Variants in EYS observed in about 807,000 individuals in gnomAD.
The protein encoded by EYS is EGF-like photoreceptor maintenance factor.
EYS carries 250 observed loss-of-function variants against 282.1 expected under a neutral mutation model. That is an observed-to-expected ratio of 0.89 (90% CI 0.80 to 0.98). EYS has a LOEUF of 0.98. Ranked by LOEUF, EYS falls within the 50% of genes least tolerant of loss-of-function variation. The pLI is 0.00. For missense variants in EYS, 4,016 were observed against 3,709.0 expected (o/e 1.08, Z -2.15); for synonymous variants, 1,355 against 1,282.9 (o/e 1.06, Z -1.20).
chr6:64,520,926 A>C (rs778413835), intron 26 of EYS, among the ~76,000 whole-genome samples: 1 of 151,742 alleles, frequency 6.6e-6, no homozygotes, highest in Non-Finnish European at 1.5e-5. Context: ...TTAAAAGAAA[A>C]ACTTTAACAA....
chr6:64,330,317 C>T (rs907389968), intron 29 of EYS, among the ~76,000 whole-genome samples: 1 of 152,122 alleles, frequency 6.6e-6, no homozygotes, highest in Non-Finnish European at 1.5e-5. Flanking sequence ...TGGCACTGGA[C>T]AACAAGTGTG....
chr6:65,296,917 A>AG (rs765133018), intron 11 of EYS, among the ~76,000 whole-genome samples: 191 of 150,546 alleles, frequency 1.3e-3, no homozygotes, highest in African/African-American at 4.5e-3. Flanking sequence ...TATCAACAAA[A>AG]GTGGGGATAT....
intron 12 of EYS, among the ~76,000 whole-genome samples, chr6:65,139,702 G>C (rs1352157040): frequency 6.6e-6 from 1 of 152,082 alleles, no homozygotes; most frequent in African/African-American, 2.4e-5. Flanking sequence ...CTTAGCCAGA[G>C]AGGTGTCAGC....
At chr6:65,079,359 TTGAGA>T (rs2150170640) in intron 12 of EYS, among the ~76,000 whole-genome samples, 1 of 152,162 alleles carries the variant, frequency 6.6e-6, no homozygotes, top group African/African-American at 2.4e-5. Flanking sequence ...ACTAATTCAT[TTGAGA>T]TATTTAAAAA....
At chr6:64,453,146 C>T (rs750251339) in intron 26 of EYS, among the ~76,000 whole-genome samples, 6 of 151,710 alleles carry the variant, frequency 4.0e-5, no homozygotes. Context: ...CAATGAACTC[C>T]AACAAATTTA....
intron 32 of EYS, among the ~76,000 whole-genome samples, chr6:64,072,939 A>G (rs1217951819): frequency 6.6e-6 from 1 of 151,934 alleles, no homozygotes; most frequent in East Asian, 1.9e-4. Flanking sequence ...ACTGAATTTT[A>G]AAGATTGACT....
chr6:65,129,126 A>T (rs1775798325), intron 12 of EYS, among the ~76,000 whole-genome samples: 1 of 152,058 alleles, frequency 6.6e-6, no homozygotes, highest in South Asian at 2.1e-4. Flanking sequence ...AGAAGAGTGA[A>T]GTTGGACCCC....
At chr6:63,832,493 A>G (rs1771671162) in intron 36 of EYS, among the ~76,000 whole-genome samples, 1 of 152,218 alleles carries the variant, frequency 6.6e-6, no homozygotes, top group Non-Finnish European at 1.5e-5. Context: ...CTGGACACAT[A>G]TACCCTCCCA....
chr6:65,372,993 T>C (rs552641467), intron 8 of EYS, among the ~76,000 whole-genome samples: 2 of 152,298 alleles, frequency 1.3e-5, no homozygotes, highest in South Asian at 4.1e-4. Flanking sequence ...TTTTGTTCTC[T>C]TTTTAATTTT....
chr6:64,788,039 T>TA (rs1258269056), intron 22 of EYS, among the ~76,000 whole-genome samples: 10 of 152,164 alleles, frequency 6.6e-5, no homozygotes, highest in African/African-American at 2.4e-4. Context: ...CTACATTGCT[T>TA]ACAATTTCTC....
At chr6:65,579,245 T>C (rs1472703663) in intron 2 of EYS, among the ~76,000 whole-genome samples, 1 of 152,100 alleles carries the variant, frequency 6.6e-6, no homozygotes, top group African/African-American at 2.4e-5. Flanking sequence ...ATCAAGAAGA[T>C]ACAACATATA....
chr6:64,108,507 CTTT>C lies in EYS; in HGVS notation c.6425-26508_6425-26506del, dbSNP rs530004392. ...ACTGGAAATCAGAAGTCCACTACTG[CTTT>C]TTTTTTTTTTTTTTTTTGAGAAGAT... is the stretch of plus-strand genomic sequence containing the variant. On this transcript the variant is annotated intron_variant, in intron 31 of 42. Transcript: ENST00000503581. 1.8e-3 allele frequency among the ~76,000 whole-genome samples: 214 copies of C among 116,826 alleles called. 1 individual carries two copies. The highest frequency in any genetic ancestry group is 6.4e-3 in the African/African-American group (199 of 30,906). 76.6% of individuals were successfully genotyped at this position (116,826 alleles called of 152,430 possible).
chr6:64,772,354 G>A (rs1202418939), intron 22 of EYS, among the ~76,000 whole-genome samples: 1 of 151,588 alleles, frequency 6.6e-6, no homozygotes, highest in Non-Finnish European at 1.5e-5. Flanking sequence ...AGCTGTATCA[G>A]CTTTTCTTTT....
chr6:65,506,437 T>A (rs1766655841), intron 2 of EYS, among the ~76,000 whole-genome samples: 2 of 150,322 alleles, frequency 1.3e-5, no homozygotes. Flanking sequence ...TGTCCTGAGG[T>A]TTACAATATC....
At chr6:64,486,298 G>T (rs1582811454) in intron 26 of EYS, among the ~76,000 whole-genome samples, 1 of 151,396 alleles carries the variant, frequency 6.6e-6, no homozygotes, top group East Asian at 1.9e-4. Flanking sequence ...AATATCCTCT[G>T]TGAGAAACAA....
chr6:64,007,408 T>A (rs1226374405), intron 33 of EYS, among the ~76,000 whole-genome samples: 1 of 151,908 alleles, frequency 6.6e-6, no homozygotes, highest in Non-Finnish European at 1.5e-5. Context: ...TACCTAGCAG[T>A]CTGTCAATCT....
chr6:64,583,712 T>G (rs1766145222), intron 26 of EYS, among the ~76,000 whole-genome samples: 1 of 151,994 alleles, frequency 6.6e-6, no homozygotes, highest in Non-Finnish European at 1.5e-5. Context: ...GGAGAATTGC[T>G]TGAACCTGGG....
intron 2 of EYS, among the ~76,000 whole-genome samples, chr6:65,545,280 A>G (rs1369340246): frequency 6.6e-6 from 1 of 151,992 alleles, no homozygotes; most frequent in East Asian, 1.9e-4. Context: ...TCTAAATATT[A>G]AAATAAAATG....
At chr6:65,128,900 C>T (rs1448516630) in intron 12 of EYS, among the ~76,000 whole-genome samples, 1 of 152,006 alleles carries the variant, frequency 6.6e-6, no homozygotes, top group Non-Finnish European at 1.5e-5. Flanking sequence ...TTTCACATTA[C>T]CCAACCTCAG....
Sources: gnomAD v4.1 joint callset for allele counts (sites outside exome capture counted in the v4.1 genomes callset) on GRCh38, gnomAD v4.1.1 for gene constraint, MANE v1.5 for transcripts, NCBI Gene and HGNC (gene_info 2026-07-23, HGNC 2026-07-21) for gene names.